DDX10: variants seen among roughly 807,000 people sequenced by gnomAD.
The protein encoded by DDX10 is DEAD-box helicase 10, also known as probable ATP-dependent RNA helicase DDX10.
A neutral mutation model predicts 104.3 loss-of-function variants in DDX10; 74 were observed. The ratio of observed to expected loss-of-function variants is 0.71; its 90% confidence interval spans 0.59 to 0.86. The LOEUF is 0.86. DDX10 is among the 40% of genes least tolerant of loss of function. The pLI, the probability that DDX10 is intolerant of heterozygous loss-of-function variation, is 0.00. For synonymous variants in DDX10, 351 were observed against 353.4 expected (o/e 0.99, Z 0.08); for missense variants, 952 against 1,040.0 (o/e 0.92, Z 1.16).
intron 16 of DDX10, among the ~76,000 whole-genome samples, chr11:108,883,493 G>T (rs1204582985): frequency 6.6e-6 from 1 of 151,976 alleles, no homozygotes; most frequent in East Asian, 1.9e-4. Context: ...TTTTGTATTA[G>T]CAATTTCTCC....
At chr11:108,752,422 C>T (rs1425664324) in intron 13 of DDX10, among the ~76,000 whole-genome samples, 1 of 152,062 alleles carries the variant, frequency 6.6e-6, no homozygotes, top group Non-Finnish European at 1.5e-5. Context: ...GTGGAGGTGG[C>T]TCACTGAGTA....
intron 13 of DDX10, among the ~76,000 whole-genome samples, chr11:108,758,015 C>G (rs2094346540): frequency 6.6e-6 from 1 of 152,034 alleles, no homozygotes; most frequent in Admixed American, 6.6e-5. Flanking sequence ...ACTGCTACAG[C>G]AACCTCAGTT....
intron 17 of DDX10, among the ~76,000 whole-genome samples, chr11:108,935,463 G>T (rs895076588): frequency 6.6e-6 from 1 of 152,158 alleles, no homozygotes. Context: ...AGACCAAGTG[G>T]TGCTTGACAG....
In DDX10 at chr11:108,843,617, A is replaced by G. The variant is rs185962172; in HGVS notation, c.2247+2141A>G. On this transcript the variant is annotated intron_variant, in intron 15 of 17. Transcript: ENST00000322536. The stretch of plus-strand genomic sequence containing the variant: ...CTAAAAATACAAAAATTAGCTGTGC[A>G]TGGTGGCACACACCTGTAATCCCAG... Among the ~76,000 whole-genome samples the G allele has an allele frequency of 1.4e-4, 21 of 152,038 alleles. No homozygotes were observed. In the East Asian group the frequency reaches 3.9e-3, roughly 28 times the overall value.
At chr11:108,865,419 G>A (rs2553754) in intron 16 of DDX10, among the ~76,000 whole-genome samples, 111,286 of 151,974 alleles carry the variant, frequency 0.73, 41,354 homozygotes, top group South Asian at 0.79. Flanking sequence ...ACCTTCCCAT[G>A]TAATATTTTT....
chr11:108,916,712 A>G (rs1051342188), intron 16 of DDX10, among the ~76,000 whole-genome samples: 2 of 152,220 alleles, frequency 1.3e-5, no homozygotes, highest in African/African-American at 4.8e-5. Flanking sequence ...TTTCTGTTAA[A>G]TGCATGTGCC....
intron 13 of DDX10, among the ~76,000 whole-genome samples, chr11:108,794,073 C>T (rs138934405): frequency 1.4e-4 from 22 of 152,244 alleles, no homozygotes; most frequent in African/African-American, 5.3e-4. Context: ...TTCATCCATT[C>T]ATCCCTTGAT....
At position 108,917,964 on chromosome 11, in the gene DDX10, A is replaced by T. The variant is rs764578013; in HGVS notation, c.2396A>T (p.Asp799Val). ...GFDPSTLPDP[D>V]KYRSSEDSDS... is the part of the protein sequence containing the mutation. ...GATCCAAGCACACTCCCAGATCCAG[A>T]TAAATACAGAAGCTCTGAAGATTCA... Residue 799 changes from aspartate to valine, a missense_variant, in exon 17 of 18, where the codon GAT becomes GTT. Physicochemically the swap from Asp to Val is radical, Grantham distance 152 (BLOSUM62 -3). Transcript: ENST00000322536. The T allele has an allele frequency of 1.2e-6, 2 of 1,613,636 alleles. No individual in the cohort carries two copies. Among genetic ancestry groups the T allele is most frequent in the South Asian group, 2.2e-5 (2 of 91,060 alleles).
At chr11:108,849,350 G>T (rs544123121) in intron 15 of DDX10, among the ~76,000 whole-genome samples, 1 of 152,000 alleles carries the variant, frequency 6.6e-6, no homozygotes. Flanking sequence ...TGAGAATCAC[G>T]CAAAGGAATA....
chr11:108,900,627 A>G (rs1468627678), intron 16 of DDX10, among the ~76,000 whole-genome samples: 1 of 152,136 alleles, frequency 6.6e-6, no homozygotes, highest in African/African-American at 2.4e-5. Context: ...AGGTTGATTT[A>G]CCTAAAGTTG....
chr11:108,685,294 T>C (rs2094242009), intron 6 of DDX10, among the ~76,000 whole-genome samples: 1 of 151,142 alleles, frequency 6.6e-6, no homozygotes, highest in South Asian at 2.1e-4. Flanking sequence ...GACCCGATTT[T>C]CCAGGTGCGT....
At chr11:108,789,478 A>G (rs1861840784) in intron 13 of DDX10, among the ~76,000 whole-genome samples, 1 of 152,220 alleles carries the variant, frequency 6.6e-6, no homozygotes. Flanking sequence ...CTTGAGAGGC[A>G]ATTGAGTAGG....
At chr11:108,703,651 C>T (rs974265542) in intron 9 of DDX10, among the ~76,000 whole-genome samples, 8 of 151,388 alleles carry the variant, frequency 5.3e-5, no homozygotes, top group African/African-American at 1.9e-4. Flanking sequence ...TTTTGAAGAA[C>T]ACTTATTTCT....
intron 13 of DDX10, among the ~76,000 whole-genome samples, chr11:108,807,491 T>C (rs1340755034): frequency 6.6e-6 from 1 of 152,044 alleles, no homozygotes; most frequent in Non-Finnish European, 1.5e-5. Context: ...GGGTGGGTTG[T>C]GAGGGGAAGT....
rs549958175 is a variant in DDX10, at chr11:108,693,663, A to T, written c.1223+63A>T. 37 of 1,281,440 alleles carry T rather than the reference A, an allele frequency of 2.9e-5. No individual in the cohort carries two copies. The African/African-American group carries it at 5.1e-4, about 18-fold the overall frequency. The allele number at this position is 1,281,440 out of a possible 1,614,324, so 79.4% of individuals were successfully genotyped here. On this transcript the variant is annotated intron_variant, in intron 9 of 17. Coordinates refer to ENST00000322536, the MANE Select transcript of DDX10 (RefSeq NM_004398.4). Reference sequence around the variant, plus strand: ...TCTAAATAACAAAGCATGCTTTTCCAACTGCAGATAAACGAAGAAAGGAAT... The same window carrying T: ...TCTAAATAACAAAGCATGCTTTTCCTACTGCAGATAAACGAAGAAAGGAAT...
At chr11:108,697,081 GA>G (rs1459119832) in intron 9 of DDX10, among the ~76,000 whole-genome samples, 1 of 151,970 alleles carries the variant, frequency 6.6e-6, no homozygotes. Context: ...ATACTAATCT[GA>G]AAAAAATGTT....
At chr11:108,716,462 G>A (rs892165414) in intron 11 of DDX10, among the ~76,000 whole-genome samples, 2 of 152,056 alleles carry the variant, frequency 1.3e-5, no homozygotes, top group Non-Finnish European at 2.9e-5. Flanking sequence ...AAAAATCATC[G>A]TAAGTTTTTT....
intron 6 of DDX10, among the ~76,000 whole-genome samples, chr11:108,684,683 C>T (rs1180698761): frequency 1.5e-5 from 2 of 133,510 alleles, no homozygotes; most frequent in Non-Finnish European, 3.2e-5. Flanking sequence ...GTCTTTATAG[C>T]AGCATGATTT....
At chr11:108,888,513 T>C (rs551087214) in intron 16 of DDX10, among the ~76,000 whole-genome samples, 2 of 152,330 alleles carry the variant, frequency 1.3e-5, no homozygotes, top group African/African-American at 4.8e-5. Context: ...CAGATATAGT[T>C]GTTAATATTA....
Sources: gnomAD v4.1 joint callset for allele counts (sites outside exome capture counted in the v4.1 genomes callset) on GRCh38, gnomAD v4.1.1 for gene constraint, MANE v1.5 for transcripts, NCBI Gene and HGNC (gene_info 2026-07-23, HGNC 2026-07-21) for gene names.